The following AP3B1 variants were observed in gnomAD, a reference collection of about 807,000 sequenced individuals.
AP3B1 encodes the protein adaptor related protein complex 3 subunit beta 1, also known as AP-3 complex subunit beta-1.
In AP3B1, 61 loss-of-function variants were observed where a neutral mutation model predicts 132.5. The observed-to-expected ratio is 0.46, with a 90% CI of 0.37 to 0.57. The LOEUF (loss-of-function observed/expected upper bound fraction) is 0.57, where lower values mean the gene tolerates loss of function less well. Ranked by LOEUF, AP3B1 falls within the 20% of genes least tolerant of loss-of-function variation. The pLI is 0.00. For missense variants in AP3B1, 1,120 were observed against 1,289.4 expected (o/e 0.87, Z 2.01); for synonymous variants, 388 against 438.3 (o/e 0.89, Z 1.43).
chr5:78,272,985 T>C (rs953805126), intron 1 of AP3B1, among the ~76,000 whole-genome samples: 2 of 104,434 alleles, frequency 1.9e-5, no homozygotes, highest in African/African-American at 2.8e-5. Flanking sequence ...AAACCTGCCA[T>C]AGAAAATAAC....
chr5:78,271,214 G>A (rs1437712536), intron 1 of AP3B1, among the ~76,000 whole-genome samples: 1 of 152,198 alleles, frequency 6.6e-6, no homozygotes, highest in African/African-American at 2.4e-5. Flanking sequence ...CTGAGGTCGG[G>A]AGTTTGAGAC....
Position 78,145,790 on chromosome 5 carries a change from T to C in AP3B1, c.1474-4471A>G, listed in dbSNP as rs1482894945. Among the ~76,000 whole-genome samples the C allele has an allele frequency of 4.6e-5, 7 of 152,128 alleles. No individual in the cohort carries two copies. In the East Asian group the frequency reaches 1.4e-3, roughly 29 times the overall value. ...CCCACACCCGTGTATAGTGGGACAT[T>C]TTCCCACTTCTTTCACCTCTTCTTT... On this transcript the variant is annotated intron_variant, in intron 14 of 26. Coordinates refer to ENST00000255194, the MANE Select transcript of AP3B1 (RefSeq NM_003664.5).
chr5:78,027,298 C>T (rs1259678682), intron 24 of AP3B1, among the ~76,000 whole-genome samples: 1 of 151,900 alleles, frequency 6.6e-6, no homozygotes, highest in East Asian at 1.9e-4. Flanking sequence ...TGATTTTTTC[C>T]AAATAATGGT....
At chr5:78,043,594 T>C (rs1580274887) in intron 22 of AP3B1, 4 of 485,136 alleles carry the variant, frequency 8.2e-6, no homozygotes, top group East Asian at 5.8e-5. Context: ...TCTGGTCTTC[T>C]TTAAGGTGGA....
intron 16 of AP3B1, 43 bp from the exon 17 acceptor site, chr5:78,128,203 G>A (rs1478046694): frequency 6.8e-7 from 1 of 1,475,628 alleles, no homozygotes; most frequent in African/African-American, 1.4e-5. Flanking sequence ...AATATGAGCT[G>A]TATATAACAG....
At chr5:78,252,517 G>A (rs772341997) in intron 2 of AP3B1, among the ~76,000 whole-genome samples, 3 of 152,142 alleles carry the variant, frequency 2.0e-5, no homozygotes, top group South Asian at 2.1e-4. Context: ...GAGTTCCCCC[G>A]ATAGCTTTTC....
chr5:78,183,355 T>A (rs1030303865), intron 7 of AP3B1, among the ~76,000 whole-genome samples: 2 of 152,092 alleles, frequency 1.3e-5, no homozygotes, highest in African/African-American at 4.8e-5. Flanking sequence ...AGTCTCAAAG[T>A]ATCCAAAATG....
At chr5:78,203,888 C>T (rs949137182) in intron 7 of AP3B1, among the ~76,000 whole-genome samples, 3 of 152,118 alleles carry the variant, frequency 2.0e-5, no homozygotes, top group African/African-American at 7.2e-5. Flanking sequence ...CTTGTGAATA[C>T]TTCATTTAAG....
At chr5:78,131,198 G>A (rs1752672597) in intron 15 of AP3B1, among the ~76,000 whole-genome samples, 1 of 151,770 alleles carries the variant, frequency 6.6e-6, no homozygotes, top group African/African-American at 2.4e-5. Context: ...TTCAGTGTAT[G>A]TATCTAGTAA....
Position 78,165,740 on chromosome 5 carries a change from A to T in AP3B1, c.1168-68T>A, listed in dbSNP as rs1580431623. On this transcript the variant is annotated intron_variant, in intron 11 of 26. Coordinates refer to ENST00000255194, the MANE Select transcript of AP3B1 (RefSeq NM_003664.5). ...TAGCAAGATGAATTTAATAGAGTACAGACATTTAATTGAAAGTTTATTTCT... is the reference window on the plus strand; with the variant it reads ...TAGCAAGATGAATTTAATAGAGTACTGACATTTAATTGAAAGTTTATTTCT... 17 of 1,067,460 alleles carry T rather than the reference A, an allele frequency of 1.6e-5. No homozygotes were observed. In the South Asian group the frequency reaches 2.1e-4, roughly 13 times the overall value. 66.1% of individuals were successfully genotyped at this position (1,067,460 alleles called of 1,614,324 possible).
At chr5:78,146,952 G>GA (rs1753426335) in intron 14 of AP3B1, among the ~76,000 whole-genome samples, 1 of 151,856 alleles carries the variant, frequency 6.6e-6, no homozygotes, top group South Asian at 2.1e-4. Flanking sequence ...TTGATTTTTT[G>GA]AAAATATTCA....
At position 78,284,188 on chromosome 5, in the gene AP3B1, T is replaced by A. The variant is rs184836970; in HGVS notation, c.128+10264A>T. On this transcript the variant is annotated intron_variant, in intron 1 of 26. Coordinates refer to ENST00000255194, the MANE Select transcript of AP3B1 (RefSeq NM_003664.5). ...ACTAGAGTGGTGGAGAAATTAAATT[T>A]AATTAAATTAAATTTAAATAGCTAC... Among the ~76,000 whole-genome samples the A allele has an allele frequency of 7.1e-4, 108 of 152,346 alleles. 2 individuals carry two copies. The East Asian group carries it at 0.013, about 18-fold the overall frequency.
intron 5 of AP3B1, 147 bp from the exon 6 acceptor site, chr5:78,225,755 G>C: frequency 1.7e-6 from 1 of 574,828 alleles, no homozygotes; most frequent in Non-Finnish European, 3.1e-6. Context: ...CAAATAAAAT[G>C]GGATGGTTTT....
intron 17 of AP3B1, among the ~76,000 whole-genome samples, chr5:78,117,893 G>A (rs1005672133): frequency 2.0e-5 from 3 of 152,066 alleles, no homozygotes; most frequent in Non-Finnish European, 4.4e-5. Context: ...GTATACTTCT[G>A]AAAAGATAAA....
At chr5:78,183,688 G>A (rs1744468670) in intron 7 of AP3B1, among the ~76,000 whole-genome samples, 1 of 151,892 alleles carries the variant, frequency 6.6e-6, no homozygotes, top group Non-Finnish European at 1.5e-5. Flanking sequence ...TGGCCAACAT[G>A]GCGAAACCCT....
chr5:78,177,993 A>G (rs921631964), intron 8 of AP3B1, among the ~76,000 whole-genome samples: 1 of 152,176 alleles, frequency 6.6e-6, no homozygotes, highest in Non-Finnish European at 1.5e-5. Flanking sequence ...TGGCAGTGCT[A>G]TGAAAAGAAT....
intron 22 of AP3B1, among the ~76,000 whole-genome samples, chr5:78,048,176 T>G (rs1748421493): frequency 6.6e-6 from 1 of 152,248 alleles, no homozygotes; most frequent in Non-Finnish European, 1.5e-5. Flanking sequence ...GTTATGACTT[T>G]AATTATTCCT....
At chr5:78,292,698 G>A (rs1444685237) in intron 1 of AP3B1, among the ~76,000 whole-genome samples, 1 of 152,020 alleles carries the variant, frequency 6.6e-6, no homozygotes, top group African/African-American at 2.4e-5. Context: ...AATATCTTTC[G>A]GGGAACACAA....
chr5:78,257,617 T>A (rs1287527568), intron 2 of AP3B1, among the ~76,000 whole-genome samples: 1 of 152,194 alleles, frequency 6.6e-6, no homozygotes, highest in Non-Finnish European at 1.5e-5. Flanking sequence ...ACAGATTCAA[T>A]GCAATGCCTA....
Sources: gnomAD v4.1 joint callset for allele counts (sites outside exome capture counted in the v4.1 genomes callset) on GRCh38, gnomAD v4.1.1 for gene constraint, MANE v1.5 for transcripts, NCBI Gene and HGNC (gene_info 2026-07-23, HGNC 2026-07-21) for gene names.